SPG11: variants seen among roughly 807,000 people sequenced by gnomAD.
The protein encoded by SPG11 is SPG11 vesicle trafficking associated, spatacsin, also known as spatacsin.
A neutral mutation model predicts 274.0 loss-of-function variants in SPG11; 222 were observed. That is an observed-to-expected ratio of 0.81 (90% CI 0.73 to 0.91). The LOEUF (loss-of-function observed/expected upper bound fraction) is 0.91. Ranked by LOEUF, SPG11 falls within the 40% of genes least tolerant of loss-of-function variation. The probability of loss-of-function intolerance (pLI) is 0.00; values close to 1 mark genes in which losing one functional copy is unlikely to be tolerated. For synonymous variants in SPG11, 1,144 were observed against 1,039.7 expected, an observed-to-expected ratio of 1.10 and a Z score of -1.93; for missense variants, 3,114 against 2,872.7, an observed-to-expected ratio of 1.08 and a Z score of -1.92.
chr15:44,620,406 A>C lies in SPG11; in HGVS notation c.2621-3T>G. 6.2e-7 allele frequency: 1 copy of C among 1,603,464 alleles called. No individual in the cohort carries two copies. The highest frequency in any genetic ancestry group is 8.5e-7 in the Non-Finnish European group (1 of 1,171,794). On this transcript the variant is annotated splice_region_variant and splice_polypyrimidine_tract_variant and intron_variant, in intron 14 of 39. Transcript: ENST00000261866. The stretch of plus-strand genomic sequence containing the variant: ...TTCAGGGGAATATGATTTGTATTCT[A>C]CATGAAAAAAAACACATTTTAAAAT...
intron 8 of SPG11, among the ~76,000 whole-genome samples, chr15:44,630,069 A>G (rs2084014238): frequency 6.6e-6 from 1 of 152,166 alleles, no homozygotes; most frequent in Non-Finnish European, 1.5e-5. Flanking sequence ...GTGAAAAAAG[A>G]AAAAGTAAGT....
rs1463865345 is a variant in SPG11, at chr15:44,660,482, T to C, written c.392A>G (p.Tyr131Cys). The C allele has an allele frequency of 1.9e-6, 3 of 1,614,148 alleles. No homozygotes were observed. Among genetic ancestry groups the C allele is most frequent in the South Asian group, 1.1e-5 (1 of 91,082 alleles). ...KDGRCDATIL[Y>C]SCSREALQKL... ...TTGCAATGCCTCCCTACTACAGCTA[T>C]ACAAAATGGTTGCATCACATCTTCC... Residue 131 changes from tyrosine (Y) to cysteine (C), a missense_variant, in exon 2 of 40, where the codon TAT (tyrosine) becomes TGT (cysteine). Transcript: ENST00000261866.
intron 28 of SPG11, among the ~76,000 whole-genome samples, chr15:44,587,712 AAAAAAAAAC>A (rs1389515640): frequency 2.0e-5 from 3 of 150,990 alleles, no homozygotes; most frequent in African/African-American, 7.3e-5. Flanking sequence ...AAAAAAAAAA[AAAAAAAAAC>A]GTATTCCTGT....
At position 44,574,922 on chromosome 15, in the gene SPG11, A is replaced by G; in HGVS notation, c.5986T>C (p.Cys1996Arg). 1 of 1,614,074 alleles carries G rather than the reference A, an allele frequency of 6.2e-7. No individual in the cohort carries two copies. The highest frequency in any genetic ancestry group is 8.5e-7 in the Non-Finnish European group (1 of 1,180,026). Residue 1996 changes from cysteine to arginine, a missense_variant, in exon 31 of 40, where the codon TGT becomes CGT. Coordinates refer to ENST00000261866, the MANE Select transcript of SPG11 (RefSeq NM_025137.4). ...CATACCTTGGCAAGATCATACAGACAGAGGACCTGTCGACAGTAGTTCTTC... is the reference window on the plus strand; with the variant it reads ...CATACCTTGGCAAGATCATACAGACGGAGGACCTGTCGACAGTAGTTCTTC... ...HGKNYCRQVLCLYDLAKELGC... is the reference protein window; with the variant it reads ...HGKNYCRQVLRLYDLAKELGC...
At chr15:44,619,161 C>A (rs1452822029) in intron 15 of SPG11, among the ~76,000 whole-genome samples, 1 of 152,104 alleles carries the variant, frequency 6.6e-6, no homozygotes, top group African/African-American at 2.4e-5. Flanking sequence ...CTGGCTTGGG[C>A]AAAGCACTTA....
intron 21 of SPG11, 50 bp from the exon 22 acceptor site, chr15:44,598,886 C>T (rs1020471470): frequency 6.4e-7 from 1 of 1,565,294 alleles, no homozygotes; most frequent in African/African-American, 1.4e-5. Flanking sequence ...AATTATGTCT[C>T]ACCAGGAAAA....
At chr15:44,593,434 T>A (rs1302969982) in intron 26 of SPG11, among the ~76,000 whole-genome samples, 1 of 152,136 alleles carries the variant, frequency 6.6e-6, no homozygotes, top group Non-Finnish European at 1.5e-5. Context: ...AAGTGATCCA[T>A]CCGCCTAGGC....
At chr15:44,563,336 CTGTTTTT>C (rs1409967073) in intron 39 of SPG11, 35 bp from the exon 40 acceptor site, 1 of 1,592,300 alleles carries the variant, frequency 6.3e-7, no homozygotes, top group Non-Finnish European at 8.6e-7. Flanking sequence ...GGTTAAGATA[CTGTTTTT>C]TGTTTTGTTT....
chr15:44,602,961 A>G (rs2083233453), intron 20 of SPG11, among the ~76,000 whole-genome samples: 1 of 152,212 alleles, frequency 6.6e-6, no homozygotes, highest in South Asian at 2.1e-4. Flanking sequence ...TTCATTCACA[A>G]AAGGTCATTA....
chr15:44,580,854 T>C (rs995542743), intron 30 of SPG11, among the ~76,000 whole-genome samples: 3 of 152,204 alleles, frequency 2.0e-5, no homozygotes, highest in Non-Finnish European at 4.4e-5. Flanking sequence ...AAAAATTATA[T>C]ATTCATGTAC....
rs1418873962 is a variant in SPG11, at chr15:44,589,297, T to TC, written c.4860dup (p.Lys1621GlufsTer8). The TC allele has an allele frequency of 2.5e-6, 4 of 1,613,998 alleles. No individual in the cohort carries two copies. Among genetic ancestry groups the TC allele is most frequent in the African/African-American group, 1.3e-5 (1 of 74,936 alleles). On this transcript the variant is annotated frameshift_variant, in exon 28 of 40. Coordinates refer to ENST00000261866, the MANE Select transcript of SPG11 (RefSeq NM_025137.4). LOFTEE classifies it high-confidence loss of function. ...CTTTCAACAAAGAGCTGTAAAAGCT[T>TC]CCCCAGCTCATACTGGGTCTTACAC...
At chr15:44,606,504 G>C (rs2083322113) in intron 19 of SPG11, among the ~76,000 whole-genome samples, 1 of 152,092 alleles carries the variant, frequency 6.6e-6, no homozygotes, top group South Asian at 2.1e-4. Context: ...AAGGAAAAGA[G>C]AAGAAAAAAC....
At chr15:44,573,264 C>T (rs563688204) in intron 32 of SPG11, 7 of 579,432 alleles carry the variant, frequency 1.2e-5, no homozygotes, top group South Asian at 6.1e-5. Context: ...GGATTACAGG[C>T]GTGAGCCACC....
chr15:44,608,645 T>C, intron 18 of SPG11, 40 bp from the exon 19 acceptor site: 1 of 1,600,526 alleles, frequency 6.2e-7, no homozygotes, highest in South Asian at 1.1e-5. Flanking sequence ...CAGTAGCATT[T>C]TTCTCTTCTC....
intron 24 of SPG11, 123 bp downstream of exon 24, chr15:44,596,661 A>C (rs369446062): frequency 0.068 from 384 of 5,626 alleles, no homozygotes; most frequent in South Asian, 0.21. Context: ...TATCCTGGTC[A>C]AAAAAAAAAA....
At chr15:44,588,802 T>G in intron 28 of SPG11, among the ~76,000 whole-genome samples, 1 of 152,240 alleles carries the variant, frequency 6.6e-6, no homozygotes. Context: ...TAATGGTGTT[T>G]ACTCAAAACC....
intron 10 of SPG11, 74 bp from the exon 11 acceptor site, chr15:44,626,581 C>G (rs983814620): frequency 1.4e-6 from 2 of 1,451,836 alleles, no homozygotes; most frequent in Non-Finnish European, 1.9e-6. Flanking sequence ...TGGGATTATA[C>G]ATTTATGTAA....
chr15:44,662,212 G>A (rs1032251971), intron 1 of SPG11, among the ~76,000 whole-genome samples: 1 of 152,098 alleles, frequency 6.6e-6, no homozygotes, highest in African/African-American at 2.4e-5. Flanking sequence ...TAGACATCAA[G>A]GGTAGAGAAG....
Position 44,595,351 on chromosome 15 carries a change from A to C in SPG11, c.4543T>G (p.Trp1515Gly). The C allele has an allele frequency of 6.2e-7, 1 of 1,614,230 alleles. No individual in the cohort carries two copies. Among genetic ancestry groups the C allele is most frequent in the Non-Finnish European group, 8.5e-7 (1 of 1,180,044 alleles). Reference protein sequence around the residue: ...HIQDSTEDHTWNLEDLSVIWR... With the variant: ...HIQDSTEDHTGNLEDLSVIWR... ...ATGACTGAAAGATCCTCAAGGTTCC[A>C]GGTATGGTCCTCTGTTGAGTCCTGA... The change falls in exon 26 of 40, where the codon TGG becomes GGG. Residue 1515 changes from tryptophan to glycine, a missense_variant. By Grantham distance (184) the Trp-to-Gly change is radical. Coordinates refer to ENST00000261866, the MANE Select transcript of SPG11 (RefSeq NM_025137.4).
Sources: allele counts gnomAD v4.1 joint callset (sites outside exome capture counted in the v4.1 genomes callset), GRCh38; gene constraint gnomAD v4.1.1; transcripts MANE v1.5; gene names NCBI Gene and HGNC (gene_info 2026-07-23, HGNC 2026-07-21).